Variants in KLF6 observed in about 807,000 individuals in gnomAD.
KLF6 encodes KLF transcription factor 6, also known as Krueppel-like factor 6.
For synonymous variants in KLF6, 152 were observed against 147.9 expected (o/e 1.03, Z -0.20); for missense variants, 233 against 359.8 (o/e 0.65, Z 2.85).
At position 3,778,995 on chromosome 10, in the gene KLF6, C is replaced by T. The variant is rs1219891594; in HGVS notation, c.*544G>A. ...GCCACTCTGGGGTCCTGAGTTCCCA[C>T]GCCCACCCTCCAAGATTTTCCTTCT... On this transcript the variant is annotated 3_prime_UTR_variant, in exon 4 of 4. Coordinates refer to ENST00000497571, the MANE Select transcript of KLF6 (RefSeq NM_001300.6). The T allele has an allele frequency of 4.7e-5, 25 of 532,956 alleles. No individual in the cohort carries two copies. Among genetic ancestry groups the T allele is most frequent in the Middle Eastern group, 5.1e-4 (1 of 1,948 alleles). The allele number at this position is 532,956 out of a possible 1,614,324, so 33.0% of individuals were successfully genotyped here.
chr10:3,780,098 G>A lies in KLF6; in HGVS notation c.800+8C>T, dbSNP rs757157085. On this transcript the variant is annotated splice_region_variant and intron_variant, in intron 3 of 3. Transcript: ENST00000497571. The surrounding 1 kb of genome is among the most constrained non-coding windows in gnomAD (Gnocchi z 4.6). ...GCTCCTTGCCCAGCATTGTCCTCAGGCACGTACCTGTCACAGTGGGAGCAT... is the reference window on the plus strand; with the variant it reads ...GCTCCTTGCCCAGCATTGTCCTCAGACACGTACCTGTCACAGTGGGAGCAT... 3.1e-6 allele frequency: 5 copies of A among 1,613,974 alleles called. No individual in the cohort carries two copies. The South Asian group carries it at 5.5e-5, about 18-fold the overall frequency.
chr10:3,783,725 T>C lies in KLF6; in HGVS notation c.102+1188A>G, dbSNP rs1832584841. Among the ~76,000 whole-genome samples the C allele has an allele frequency of 2.6e-5, 4 of 152,368 alleles. No individual in the cohort carries two copies. The Middle Eastern group carries it at 0.01, about 389-fold the overall frequency. On this transcript the variant is annotated intron_variant, in intron 1 of 3. Coordinates refer to ENST00000497571, the MANE Select transcript of KLF6 (RefSeq NM_001300.6). ...CATTTATGGAGATCTTGTTAAACTT[T>C]AATAATCCGGCCAATTTAAAATCTC... is the stretch of plus-strand genomic sequence containing the variant.
At chr10:3,784,259 C>T (rs1832596997) in intron 1 of KLF6, among the ~76,000 whole-genome samples, 1 of 152,114 alleles carries the variant, frequency 6.6e-6, no homozygotes, top group Non-Finnish European at 1.5e-5. Flanking sequence ...TGTCGGAAAC[C>T]GAGGTCCTTC....
chr10:3,784,937 C>T lies in KLF6; in HGVS notation c.78G>A (p.Pro26=), dbSNP rs376682579. The T allele has an allele frequency of 1.4e-5, 22 of 1,605,450 alleles. No individual in the cohort carries two copies. The highest frequency in any genetic ancestry group is 1.7e-5 in the Non-Finnish European group (20 of 1,175,000). Residue 26 remains proline (P), a synonymous_variant, in exon 1 of 4, where the codon CCG becomes CCA. Transcript: ENST00000497571. ...VHETGYFSAL[P]SLEEYWQQTC... ...CCTGTTGCCAGTACTCCTCCAGAGA[C>T]GGCAGCGCCGAGAAGTAGCCGGTCT...
At position 3,779,548 on chromosome 10, in the gene KLF6, C is replaced by T; in HGVS notation, c.843G>A (p.Arg281=). ...RSDHLALHMK[R]HL ...CCACCTCTCTGCTCCCTCAGAGGTG[C>T]CTCTTCATGTGCAGGGCCAGGTGGT... The change falls in exon 4 of 4, where the codon AGG becomes AGA. Residue 281 remains arginine, a synonymous_variant. Transcript: ENST00000497571. 2 of 1,613,936 alleles carry T rather than the reference C, an allele frequency of 1.2e-6. No individual in the cohort carries two copies. Among genetic ancestry groups the T allele is most frequent in the Non-Finnish European group, 1.7e-6 (2 of 1,179,776 alleles).
Position 3,780,356 on chromosome 10 carries a change from C to G in KLF6, c.677-127G>C. ...ACCCAGTGGCTTCTGGCATCGGTAA[C>G]ACACAACAACTGGCAGCCTCAGAGA... On this transcript the variant is annotated intron_variant, in intron 2 of 3. Coordinates refer to ENST00000497571, the MANE Select transcript of KLF6 (RefSeq NM_001300.6). The surrounding 1 kb of genome is among the most constrained non-coding windows in gnomAD (Gnocchi z 4.6). The G allele has an allele frequency of 9.1e-7, 1 of 1,101,584 alleles. No homozygotes were observed. Among genetic ancestry groups the G allele is most frequent in the Non-Finnish European group, 1.4e-6 (1 of 728,440 alleles). 68.2% of individuals were successfully genotyped at this position (1,101,584 alleles called of 1,614,324 possible). A position where few individuals can be genotyped will look rare whatever the true frequency, so the allele number is the denominator to read the frequency against.
chr10:3,778,969 C>G lies in KLF6; in HGVS notation c.*570G>C. 1 of 534,790 alleles carries G rather than the reference C, an allele frequency of 1.9e-6. No homozygotes were observed. Among genetic ancestry groups the G allele is most frequent in the Non-Finnish European group, 3.6e-6 (1 of 276,658 alleles). The allele number at this position is 534,790 out of a possible 1,614,324, so 33.1% of individuals were successfully genotyped here. On this transcript the variant is annotated 3_prime_UTR_variant, in exon 4 of 4. Coordinates refer to ENST00000497571, the MANE Select transcript of KLF6 (RefSeq NM_001300.6). ...AGAGGCTCTCCCTCCCCACACCACTCGCCACTCTGGGGTCCTGAGTTCCCA... is the reference window on the plus strand; with the variant it reads ...AGAGGCTCTCCCTCCCCACACCACTGGCCACTCTGGGGTCCTGAGTTCCCA...
At position 3,784,998 on chromosome 10, in the gene KLF6, A is replaced by G. The variant is rs1253659402; in HGVS notation, c.17T>C (p.Met6Thr). Residue 6 changes from methionine to threonine, a missense_variant, in exon 1 of 4, where the codon ATG becomes ACG. Physicochemically the swap from Met to Thr is moderately conservative, Grantham distance 81. Coordinates refer to ENST00000497571, the MANE Select transcript of KLF6 (RefSeq NM_001300.6). MDVLP[M>T]CSIFQELQIV... Reference sequence around the variant, plus strand: ...CTGGAGCTCCTGGAAGATGCTGCACATGGGGAGCACGTCCATGTCGGGCCG... The same window carrying G: ...CTGGAGCTCCTGGAAGATGCTGCACGTGGGGAGCACGTCCATGTCGGGCCG... 1 of 1,609,826 alleles carries G rather than the reference A, an allele frequency of 6.2e-7. No homozygotes were observed. Among genetic ancestry groups the G allele is most frequent in the Non-Finnish European group, 8.5e-7 (1 of 1,177,510 alleles).
In KLF6 at chr10:3,781,451, A is replaced by G; in HGVS notation, c.676+190T>C. 1.3e-6 allele frequency: 2 copies of G among 1,532,160 alleles called. No homozygotes were observed. Among genetic ancestry groups the G allele is most frequent in the Non-Finnish European group, 1.8e-6 (2 of 1,139,296 alleles). The allele number at this position is 1,532,160 out of a possible 1,614,324, so 94.9% of individuals were successfully genotyped here. A position where few individuals can be genotyped will look rare whatever the true frequency, so the allele number is the denominator to read the frequency against. On this transcript the variant is annotated intron_variant, in intron 2 of 3. Transcript: ENST00000497571. This position sits in a 1 kb window ranked among gnomAD's most constrained non-coding sequence, Gnocchi z 5.8. ...AATTGTTACACATTTATCCAACTCA[A>G]AAGTCCAGTCTTTAGGATTCTACTC...
At chr10:3,784,764 T>G in intron 1 of KLF6, 149 bp downstream of exon 1, 1 of 693,792 alleles carries the variant, frequency 1.4e-6, no homozygotes, top group Non-Finnish European at 2.2e-6. Flanking sequence ...GCCTGGAGGA[T>G]CGATCGGCGG....
Position 3,777,749 on chromosome 10 carries a change from C to CTATATATATAATA in KLF6, c.*1777_*1789dup, listed in dbSNP as rs1231636465. 1 of 272,098 alleles carries CTATATATATAATA rather than the reference C, an allele frequency of 3.7e-6. No individual in the cohort carries two copies. The highest frequency in any genetic ancestry group is 7.0e-6 in the Non-Finnish European group (1 of 143,496). 16.9% of individuals were successfully genotyped at this position (272,098 alleles called of 1,614,324 possible). A position where few individuals can be genotyped will look rare whatever the true frequency, so the allele number is the denominator to read the frequency against. On this transcript the variant is annotated 3_prime_UTR_variant, in exon 4 of 4. Transcript: ENST00000497571. ...CTTAAAAAAAATATTTATATATTATCTATATATATAATATATATATATACA... is the reference window on the plus strand; with the variant it reads ...CTTAAAAAAAATATTTATATATTATCTATATATATAATATATATATATAATATATATATATACA...
Position 3,781,584 on chromosome 10 carries a change from G to A in KLF6, c.676+57C>T, listed in dbSNP as rs1832519994. ...CCAGGCCCGGCTCCCTCCAGGGCTG[G>A]TGCAATGCAGTGGCGCCCACCAGCG... On this transcript the variant is annotated intron_variant, in intron 2 of 3. Transcript: ENST00000497571. The surrounding 1 kb of genome is among the most constrained non-coding windows in gnomAD (Gnocchi z 5.8). 6.2e-7 allele frequency: 1 copy of A among 1,601,224 alleles called. No individual in the cohort carries two copies. Among genetic ancestry groups the A allele is most frequent in the Non-Finnish European group, 8.5e-7 (1 of 1,174,016 alleles).
At chr10:3,784,502 G>A (rs1388116514) in intron 1 of KLF6, among the ~76,000 whole-genome samples, 1 of 151,904 alleles carries the variant, frequency 6.6e-6, no homozygotes, top group Non-Finnish European at 1.5e-5. Context: ...TACGTTCTGG[G>A]GGCAAAATGT....
rs1243505816 is a variant in KLF6 at position 3,779,103 on chromosome 10, T to G, written c.*436A>C. On this transcript the variant is annotated 3_prime_UTR_variant, in exon 4 of 4. Coordinates refer to ENST00000497571, the MANE Select transcript of KLF6 (RefSeq NM_001300.6). Reference sequence around the variant, plus strand: ...CACCCCCTCCCCCCAAGGAAATGATTGGTGGTCATCTCATCTCATGGTATA... The same window carrying G: ...CACCCCCTCCCCCCAAGGAAATGATGGGTGGTCATCTCATCTCATGGTATA... 1.9e-6 allele frequency: 1 copy of G among 536,726 alleles called. No individual in the cohort carries two copies. The highest frequency in any genetic ancestry group is 3.6e-6 in the Non-Finnish European group (1 of 277,754). 33.2% of individuals were successfully genotyped at this position (536,726 alleles called of 1,614,324 possible). A position where few individuals can be genotyped will look rare whatever the true frequency, so the allele number is the denominator to read the frequency against.
At position 3,778,591 on chromosome 10, in the gene KLF6, T is replaced by C. The variant is rs771022453; in HGVS notation, c.*948A>G. ...AAATAATCCTGTGTTGCACAATGCC[T>C]TTCTGGAAGGGGAGTGTTACAAACT... On this transcript the variant is annotated 3_prime_UTR_variant, in exon 4 of 4. Coordinates refer to ENST00000497571, the MANE Select transcript of KLF6 (RefSeq NM_001300.6). The C allele has an allele frequency of 1.4e-5, 7 of 517,274 alleles. No individual in the cohort carries two copies. The highest frequency in any genetic ancestry group is 2.3e-5 in the Non-Finnish European group (6 of 266,254). The allele number at this position is 517,274 out of a possible 1,614,324, so 32.0% of individuals were successfully genotyped here. A position where few individuals can be genotyped will look rare whatever the true frequency, so the allele number is the denominator to read the frequency against.
In KLF6 at chr10:3,779,128, A is replaced by T. The variant is rs781207972; in HGVS notation, c.*411T>A. On this transcript the variant is annotated 3_prime_UTR_variant, in exon 4 of 4. Coordinates refer to ENST00000497571, the MANE Select transcript of KLF6 (RefSeq NM_001300.6). Reference sequence around the variant, plus strand: ...TGGTGGTCATCTCATCTCATGGTATACTCCTTACACACAAAACATTCAAAC... The same window carrying T: ...TGGTGGTCATCTCATCTCATGGTATTCTCCTTACACACAAAACATTCAAAC... The T allele has an allele frequency of 1.2e-4, 65 of 537,188 alleles. 1 individual carries two copies. Among genetic ancestry groups the T allele is most frequent in the South Asian group, 9.4e-4 (61 of 65,168 alleles). The allele number at this position is 537,188 out of a possible 1,614,324, so 33.3% of individuals were successfully genotyped here. A position where few individuals can be genotyped will look rare whatever the true frequency, so the allele number is the denominator to read the frequency against.
chr10:3,776,286 TC>T lies in KLF6; in HGVS notation c.*3252del, dbSNP rs1832372853. 1 of 533,010 alleles carries T rather than the reference TC, an allele frequency of 1.9e-6. No homozygotes were observed. Among genetic ancestry groups the T allele is most frequent in the Admixed American group, 2.2e-5 (1 of 44,964 alleles). 33.0% of individuals were successfully genotyped at this position (533,010 alleles called of 1,614,324 possible). ...CAATGGAAGATCAAACCGGCATGGT[TC>T]CCTACTGTGCCCACAGCCGGGGGGT... On this transcript the variant is annotated 3_prime_UTR_variant, in exon 4 of 4. Coordinates refer to ENST00000497571, the MANE Select transcript of KLF6 (RefSeq NM_001300.6).
At position 3,776,702 on chromosome 10, in the gene KLF6, CA is replaced by C. The variant is rs35554797; in HGVS notation, c.*2836del. ...GATTCTTTAGATAACAGGGTGCTTC[CA>C]AAAAAAAAAAAAAAAGAAATTTCAC... is the stretch of plus-strand genomic sequence containing the variant. On this transcript the variant is annotated 3_prime_UTR_variant, in exon 4 of 4. Coordinates refer to ENST00000497571, the MANE Select transcript of KLF6 (RefSeq NM_001300.6). 196,728 of 391,690 alleles carry C rather than the reference CA, an allele frequency of 0.5. 23,679 individuals are homozygous for C. Among genetic ancestry groups the C allele is most frequent in the Admixed American group, 0.54 (15,068 of 27,828 alleles). The allele number at this position is 391,690 out of a possible 1,614,324, so 24.3% of individuals were successfully genotyped here.
In KLF6 at chr10:3,779,207, C is replaced by G; in HGVS notation, c.*332G>C. On this transcript the variant is annotated 3_prime_UTR_variant, in exon 4 of 4. Transcript: ENST00000497571. ...CTAACCACAAGGAAAAAAAGTTGGC[C>G]TCATCATACGGTCAGTAATAGATCC... 1.8e-6 allele frequency: 1 copy of G among 563,234 alleles called. No individual in the cohort carries two copies. Among genetic ancestry groups the G allele is most frequent in the Non-Finnish European group, 3.4e-6 (1 of 295,958 alleles). 34.9% of individuals were successfully genotyped at this position (563,234 alleles called of 1,614,324 possible). A position where few individuals can be genotyped will look rare whatever the true frequency, so the allele number is the denominator to read the frequency against.
Sources: allele counts gnomAD v4.1 joint callset (sites outside exome capture counted in the v4.1 genomes callset), GRCh38; gene constraint gnomAD v4.1.1; non-coding constraint Gnocchi (gnomAD v3.1); transcripts MANE v1.5; gene names NCBI Gene and HGNC (gene_info 2026-07-23, HGNC 2026-07-21).